The following MATR3 variants were observed in gnomAD, a reference collection of about 807,000 sequenced individuals.
MATR3 encodes the protein matrin-3.
In MATR3, 4 loss-of-function variants were observed where a neutral mutation model predicts 85.5. That is an observed-to-expected ratio of 0.05 (90% CI 0.02 to 0.11). The LOEUF (loss-of-function observed/expected upper bound fraction) is 0.11. MATR3 is among the 10% of genes least tolerant of loss of function. MATR3 has a pLI of 1.00. For missense variants in MATR3, 685 were observed against 1,016.1 expected, an observed-to-expected ratio of 0.67 and a Z score of 4.43; for synonymous variants, 336 against 343.1, an observed-to-expected ratio of 0.98 and a Z score of 0.23.
Position 139,318,984 on chromosome 5 carries a change from T to A in MATR3, c.1385T>A (p.Phe462Tyr). ...DYYTTTPALV[F>Y]GKPVRVHLSQ... ...TACACAACCACACCAGCGTTAGTAT[T>A]TGGCAAGCCAGTGAGAGTTCATTTA... The change falls in exon 8 of 15, where the codon TTT (phenylalanine) becomes TAT (tyrosine). Residue 462 changes from phenylalanine (F) to tyrosine (Y), a missense_variant. Phe to Tyr is a conservative substitution (Grantham distance 22). Around this residue, in one of 9 missense-constraint regions of MATR3, gnomAD observed 32 missense variants for 88.0 expected, o/e 0.36. Transcript: ENST00000394805. 1 of 1,614,078 alleles carries A rather than the reference T, an allele frequency of 6.2e-7. No individual in the cohort carries two copies. The highest frequency in any genetic ancestry group is 8.5e-7 in the Non-Finnish European group (1 of 1,179,900).
rs1490080995 is a variant in MATR3, at chr5:139,330,270, C to T, written c.*875C>T. The stretch of plus-strand genomic sequence containing the variant: ...AGATGCACGCTTCTAATTCATGTAC[C>T]TGCACATGTGACCTTTGTGAACAGA... On this transcript the variant is annotated 3_prime_UTR_variant, in exon 15 of 15. Transcript: ENST00000394805. 1 of 453,634 alleles carries T rather than the reference C, an allele frequency of 2.2e-6. No individual in the cohort carries two copies. The highest frequency in any genetic ancestry group is 4.4e-6 in the Non-Finnish European group (1 of 226,222). The allele number at this position is 453,634 out of a possible 1,614,324, so 28.1% of individuals were successfully genotyped here. A position where few individuals can be genotyped will look rare whatever the true frequency, so the allele number is the denominator to read the frequency against.
intron 14 of MATR3, among the ~76,000 whole-genome samples, chr5:139,327,385 G>A (rs939944265): frequency 5.3e-5 from 8 of 150,780 alleles, no homozygotes; most frequent in Non-Finnish European, 1.2e-4. Context: ...AAAGAATTGT[G>A]GCTATTTGCA....
chr5:139,296,021 A>C (rs1754130454), intron 1 of MATR3, among the ~76,000 whole-genome samples: 1 of 152,150 alleles, frequency 6.6e-6, no homozygotes, highest in South Asian at 2.1e-4. Flanking sequence ...ACGTGTTCTC[A>C]CAATATGGCC....
chr5:139,296,026 A>G (rs1340657048), intron 1 of MATR3, among the ~76,000 whole-genome samples: 1 of 152,138 alleles, frequency 6.6e-6, no homozygotes, highest in Non-Finnish European at 1.5e-5. Context: ...TTCTCACAAT[A>G]TGGCCCAGGC....
intron 12 of MATR3, among the ~76,000 whole-genome samples, chr5:139,323,907 G>A (rs552018475): frequency 5.3e-4 from 81 of 151,964 alleles, no homozygotes; most frequent in Non-Finnish European, 9.4e-4. Context: ...AAAAAAAGTA[G>A]AGCGAAATGA....
intron 1 of MATR3, chr5:139,274,465 A>C (rs1044733495): frequency 1.0e-5 from 2 of 199,972 alleles, no homozygotes; most frequent in Non-Finnish European, 2.1e-5. Flanking sequence ...GAACTGAGTC[A>C]GCCCCTTTAA....
chr5:139,322,098 T>G, intron 10 of MATR3, 69 bp downstream of exon 10: 1 of 1,528,132 alleles, frequency 6.5e-7, no homozygotes, highest in African/African-American at 1.4e-5. Flanking sequence ...AACATTCTTT[T>G]AAACATTTTT....
upstream of MATR3, among the ~76,000 whole-genome samples, chr5:139,291,631 C>T (rs1404177670): frequency 2.0e-5 from 3 of 152,024 alleles, no homozygotes; most frequent in South Asian, 2.1e-4. Flanking sequence ...CTCCGCCTCC[C>T]GGGTTCAAGC....
chr5:139,325,522 G>A lies in MATR3; in HGVS notation c.2231G>A (p.Gly744Asp), dbSNP rs1479141224. 2 of 1,614,184 alleles carry A rather than the reference G, an allele frequency of 1.2e-6. No individual in the cohort carries two copies. Among genetic ancestry groups the A allele is most frequent in the Admixed American group, 1.7e-5 (1 of 60,020 alleles). ...AAAAATGAGGAAAACACAGAACCAGGTGCTGAATCTTCTGAGAACGCTGAT... is the reference window on the plus strand; with the variant it reads ...AAAAATGAGGAAAACACAGAACCAGATGCTGAATCTTCTGAGAACGCTGAT... ...GIKNEENTEP[G>D]AESSENADDP... is the part of the protein sequence containing the mutation. The change falls in exon 13 of 15, where the codon GGT becomes GAT. Residue 744 changes from glycine to aspartate, a missense_variant. Coordinates refer to ENST00000394805, the MANE Select transcript of MATR3 (RefSeq NM_018834.6).
intron 13 of MATR3, 53 bp downstream of exon 13, chr5:139,325,715 C>CA: frequency 6.7e-7 from 1 of 1,482,560 alleles, no homozygotes; most frequent in Non-Finnish European, 9.4e-7. Context: ...AAAACAAACT[C>CA]TTAGGTTTTA....
intron 7 of MATR3, 108 bp downstream of exon 7, chr5:139,317,829 GT>G: frequency 8.8e-7 from 1 of 1,131,322 alleles, no homozygotes; most frequent in Non-Finnish European, 1.3e-6. Flanking sequence ...GTAATCTTAA[GT>G]TTATCAAATG....
intron 1 of MATR3, among the ~76,000 whole-genome samples, chr5:139,304,069 T>A (rs1205943660): frequency 6.6e-6 from 1 of 152,188 alleles, no homozygotes; most frequent in Non-Finnish European, 1.5e-5. Flanking sequence ...TAACCATACA[T>A]AGGGATGATA....
intron 3 of MATR3, among the ~76,000 whole-genome samples, chr5:139,285,945 A>C (rs1211018171): frequency 6.6e-6 from 1 of 152,194 alleles, no homozygotes; most frequent in African/African-American, 2.4e-5. Flanking sequence ...GTATTTCAGA[A>C]AGAGCAGAAT....
intron 3 of MATR3, among the ~76,000 whole-genome samples, chr5:139,284,591 G>A (rs1426733156): frequency 2.6e-5 from 4 of 151,094 alleles, no homozygotes; most frequent in East Asian, 3.9e-4. Context: ...CTGGGTGACA[G>A]ACTGAGACAG....
At chr5:139,298,105 C>T (rs1754253099) in intron 1 of MATR3, among the ~76,000 whole-genome samples, 1 of 152,186 alleles carries the variant, frequency 6.6e-6, no homozygotes, top group Non-Finnish European at 1.5e-5. Context: ...AGATGCATAA[C>T]TTTCAGATCT....
rs764150393 is a variant in MATR3 at position 139,307,461 on chromosome 5, G to A, written c.46G>A (p.Gly16Ser). The A allele has an allele frequency of 6.2e-7, 1 of 1,614,032 alleles. No homozygotes were observed. Among genetic ancestry groups the A allele is most frequent in the East Asian group, 2.2e-5 (1 of 44,876 alleles). The change falls in exon 2 of 15, where the codon GGT (glycine) becomes AGT (serine). Residue 16 changes from glycine to serine, a missense_variant. By Grantham distance (56) the Gly-to-Ser change is moderately conservative (BLOSUM62 0). Around this residue, in one of 9 missense-constraint regions of MATR3, gnomAD observed 30 missense variants for 69.5 expected, o/e 0.43. Coordinates refer to ENST00000394805, the MANE Select transcript of MATR3 (RefSeq NM_018834.6). This position sits in a 1 kb window ranked among gnomAD's most constrained non-coding sequence, Gnocchi z 4.4. ...QQSSLSRDSQ[G>S]HGRDLSAAGI... ...GTCATCTCTCAGTAGGGACTCACAG[G>A]GTCATGGGCGTGACCTGTCTGCGGC... is the stretch of plus-strand genomic sequence containing the variant.
At position 139,322,953 on chromosome 5, in the gene MATR3, A is replaced by G; in HGVS notation, c.2134A>G (p.Lys712Glu). ...TGGAAGTGCTTCAGCAGCAGCAAAG[A>G]AAAAGCTTAAAAAGGTAAAGAAAGA... ...KDGSASAAAKKKLKKVDKIEE... is the reference protein window; with the variant it reads ...KDGSASAAAKEKLKKVDKIEE... Residue 712 changes from lysine (K) to glutamate (E), a missense_variant, in exon 12 of 15, where the codon AAA becomes GAA. Lys to Glu is a moderately conservative substitution (Grantham distance 56, BLOSUM62 1). Around this residue, in one of 9 missense-constraint regions of MATR3, gnomAD observed 215 missense variants for 194.7 expected, o/e 1.10. Transcript: ENST00000394805. 5.6e-6 allele frequency: 9 copies of G among 1,614,160 alleles called. No individual in the cohort carries two copies. The highest frequency in any genetic ancestry group is 7.6e-6 in the Non-Finnish European group (9 of 1,180,014).
rs1755412864 is a variant in MATR3, at chr5:139,319,200, T to G, written c.1435-134T>G. On this transcript the variant is annotated intron_variant, in intron 8 of 14. Coordinates refer to ENST00000394805, the MANE Select transcript of MATR3 (RefSeq NM_018834.6). The stretch of plus-strand genomic sequence containing the variant: ...GAAGGATTATGTGAGGCCCAGGAGT[T>G]CCAGGCAAGCCTGGGCAACATAGCA... The G allele has an allele frequency of 2.3e-5, 29 of 1,265,866 alleles. No homozygotes were observed. In the South Asian group the frequency reaches 3.4e-4, roughly 15 times the overall value. 78.4% of individuals were successfully genotyped at this position (1,265,866 alleles called of 1,614,324 possible).
At chr5:139,284,790 C>G (rs1382500863) in intron 3 of MATR3, among the ~76,000 whole-genome samples, 3 of 152,128 alleles carry the variant, frequency 2.0e-5, no homozygotes, top group Non-Finnish European at 2.9e-5. Flanking sequence ...CTCTTACAAG[C>G]AGGCATATTG....
Sources: gnomAD v4.1 joint callset for allele counts (sites outside exome capture counted in the v4.1 genomes callset) on GRCh38, gnomAD v4.1.1 for gene constraint, gnomAD v4.1.1 regional missense constraint, Gnocchi (gnomAD v3.1) non-coding constraint, MANE v1.5 for transcripts, NCBI Gene and HGNC (gene_info 2026-07-23, HGNC 2026-07-21) for gene names.